Variants in MEIS3 observed in about 807,000 individuals in gnomAD.
The protein encoded by MEIS3 is Meis homeobox 3.
Under a neutral mutation model 51.4 loss-of-function variants are expected in MEIS3, and 38 were observed. The ratio of observed to expected loss-of-function variants is 0.74; its 90% confidence interval spans 0.57 to 0.97. The LOEUF (loss-of-function observed/expected upper bound fraction) is 0.97. Among genes scored for constraint, MEIS3 ranks in the 50% least tolerant of loss-of-function variants. MEIS3 has a pLI of 0.00. For synonymous variants in MEIS3, 198 were observed against 201.8 expected, an observed-to-expected ratio of 0.98 and a Z score of 0.16; for missense variants, 456 against 502.6, an observed-to-expected ratio of 0.91 and a Z score of 0.89.
At chr19:47,412,733 TTG>T (rs907082553) in intron 6 of MEIS3, among the ~76,000 whole-genome samples, 33 of 152,106 alleles carry the variant, frequency 2.2e-4, no homozygotes, top group African/African-American at 7.7e-4. Flanking sequence ...GTCTAATTTT[TTG>T]TTTTTTTTAT....
At position 47,409,539 on chromosome 19, in the gene MEIS3, CAT is replaced by C. The variant is rs1568422683; in HGVS notation, c.604_605del (p.Met202ValfsTer6). ...SCPSLPDQNN[M>X]WIRDHEDSGS... Reference sequence around the variant, plus strand: ...CACTATCCTCATGGTCTCGAATCCACATATTATTCTAGAAAACAAGAGTTAGA... The same window carrying C: ...CACTATCCTCATGGTCTCGAATCCACATTATTCTAGAAAACAAGAGTTAGA... On this transcript the variant is annotated frameshift_variant, in exon 7 of 13. Transcript: ENST00000558555. LOFTEE classifies it high-confidence loss of function. The C allele has an allele frequency of 1.2e-6, 2 of 1,612,836 alleles. No homozygotes were observed. Among genetic ancestry groups the C allele is most frequent in the South Asian group, 2.2e-5 (2 of 91,060 alleles).
upstream of MEIS3, among the ~76,000 whole-genome samples, chr19:47,421,238 A>G (rs987614758): frequency 2.0e-5 from 3 of 152,046 alleles, no homozygotes; most frequent in African/African-American, 7.2e-5. Context: ...CCTGTCCTGC[A>G]CCTGTTTTAC....
upstream of MEIS3, among the ~76,000 whole-genome samples, chr19:47,420,284 G>A (rs1255045704): frequency 6.6e-6 from 1 of 152,196 alleles, no homozygotes; most frequent in African/African-American, 2.4e-5. Flanking sequence ...CCAAGACTTG[G>A]GGTGAGGGAT....
chr19:47,420,906 T>A (rs927605195), upstream of MEIS3, among the ~76,000 whole-genome samples: 5,082 of 91,220 alleles, frequency 0.056, 114 homozygotes, highest in Admixed American at 0.12. Context: ...TCTCTCTCTC[T>A]CTCTCACACA....
intron 3 of MEIS3, 22 bp downstream of exon 3, chr19:47,416,782 G>A (rs754554334): frequency 3.1e-6 from 5 of 1,613,220 alleles, no homozygotes; most frequent in Non-Finnish European, 3.4e-6. Context: ...GACTCGGTGT[G>A]TGGTGGGTGG....
At position 47,415,044 on chromosome 19, in the gene MEIS3, C is replaced by G. The variant is rs778488411; in HGVS notation, c.447+7G>C. The G allele has an allele frequency of 1.9e-6, 3 of 1,558,374 alleles. No individual in the cohort carries two copies. The highest frequency in any genetic ancestry group is 2.6e-6 in the Non-Finnish European group (3 of 1,152,548). On this transcript the variant is annotated splice_region_variant and intron_variant, in intron 5 of 12. Transcript: ENST00000558555. ...AGTGAGGGTGTGGGGAGGTGAGACG[C>G]GCTCACCTTCTCCAGCTCCAGCAGG... is the stretch of plus-strand genomic sequence containing the variant.
intron 1 of MEIS3, 34 bp downstream of exon 1, chr19:47,419,036 G>A: frequency 8.0e-7 from 1 of 1,243,376 alleles, no homozygotes; most frequent in Non-Finnish European, 1.0e-6. Flanking sequence ...GTGCGGAAGC[G>A]GCCGGGACGC....
chr19:47,408,324 G>A (rs527405773), intron 8 of MEIS3, among the ~76,000 whole-genome samples: 2 of 151,892 alleles, frequency 1.3e-5, no homozygotes, highest in South Asian at 4.2e-4. Context: ...GTCTTGCTAT[G>A]TTGCCCAGGC....
upstream of MEIS3, among the ~76,000 whole-genome samples, chr19:47,421,714 A>C (rs1437968164): frequency 7.0e-6 from 1 of 141,890 alleles, no homozygotes; most frequent in African/African-American, 2.8e-5. Flanking sequence ...TCTGTCTGTC[A>C]CCTGGGCTGT....
intron 3 of MEIS3, 33 bp from the exon 4 acceptor site, chr19:47,416,735 G>A (rs777628165): frequency 1.2e-6 from 2 of 1,609,942 alleles, no homozygotes; most frequent in South Asian, 2.2e-5. Context: ...GCAGGGGGAT[G>A]TCCCGCCTTC....
At chr19:47,403,846 G>A (rs1970698444) in intron 12 of MEIS3, among the ~76,000 whole-genome samples, 1 of 152,102 alleles carries the variant, frequency 6.6e-6, no homozygotes, top group Admixed American at 6.6e-5. Flanking sequence ...GGGAGTCAGA[G>A]AGAACGACAT....
At chr19:47,422,134 G>A (rs1971729142), upstream of MEIS3, among the ~76,000 whole-genome samples, 1 of 151,850 alleles carries the variant, frequency 6.6e-6, no homozygotes, top group South Asian at 2.1e-4. Flanking sequence ...TTCGTCACCG[G>A]CCCTGACAAA....
At chr19:47,405,263 G>C (rs186636590) in intron 12 of MEIS3, among the ~76,000 whole-genome samples, 77 of 152,280 alleles carry the variant, frequency 5.1e-4, no homozygotes, top group African/African-American at 1.6e-3. Flanking sequence ...CATCATACCA[G>C]GCCACAGAAG....
upstream of MEIS3, among the ~76,000 whole-genome samples, chr19:47,420,414 A>AGTG (rs1474103236): frequency 1.5e-5 from 2 of 129,958 alleles, no homozygotes; most frequent in East Asian, 5.2e-4. Flanking sequence ...TCTGACGGCC[A>AGTG]GTGGTGGGGG....
In MEIS3 at chr19:47,409,494, G is replaced by A; in HGVS notation, c.651C>T (p.Thr217=). ...HEDSGSVHLG[T]PGPSSGGLAS... is the part of the protein sequence containing the mutation. ...CCAGGCCCCCACTGGATGGACCTGG[G>A]GTCCCCAAATGTACAGACCCACTAT... The change falls in exon 7 of 13, where the codon ACC becomes ACT. Residue 217 remains threonine, a synonymous_variant. Coordinates refer to ENST00000558555, the MANE Select transcript of MEIS3 (RefSeq NM_001301059.2). 2 of 1,614,078 alleles carry A rather than the reference G, an allele frequency of 1.2e-6. No individual in the cohort carries two copies. The highest frequency in any genetic ancestry group is 1.7e-6 in the Non-Finnish European group (2 of 1,179,968).
chr19:47,420,941 C>CTCTCTT, upstream of MEIS3, among the ~76,000 whole-genome samples: 1 of 51,816 alleles, frequency 1.9e-5, no homozygotes, highest in South Asian at 6.5e-4. Context: ...CACACACACA[C>CTCTCTT]TCTCTCTCTC....
intron 4 of MEIS3, 59 bp downstream of exon 4, chr19:47,416,593 G>T: frequency 7.3e-7 from 1 of 1,365,816 alleles, no homozygotes; most frequent in Non-Finnish European, 9.9e-7. Flanking sequence ...CCCAGGGATG[G>T]GGCGTCAGGG....
chr19:47,403,548 C>G lies in MEIS3; in HGVS notation c.*23G>C, dbSNP rs1477384938. 2.2e-6 allele frequency: 1 copy of G among 447,782 alleles called. No homozygotes were observed. Among genetic ancestry groups the G allele is most frequent in the Non-Finnish European group, 4.5e-6 (1 of 222,856 alleles). The allele number at this position is 447,782 out of a possible 1,614,324, so 27.7% of individuals were successfully genotyped here. A position where few individuals can be genotyped will look rare whatever the true frequency, so the allele number is the denominator to read the frequency against. Reference sequence around the variant, plus strand: ...TGAGGCTGGGGGTCACAGCCGGAGGCTGGGTCTGTGGAGAGGGGAGGAGAG... The same window carrying G: ...TGAGGCTGGGGGTCACAGCCGGAGGGTGGGTCTGTGGAGAGGGGAGGAGAG... On this transcript the variant is annotated 3_prime_UTR_variant, in exon 13 of 13. Coordinates refer to ENST00000558555, the MANE Select transcript of MEIS3 (RefSeq NM_001301059.2).
chr19:47,417,391 G>A, intron 1 of MEIS3, 41 bp from the exon 2 acceptor site: 2 of 1,610,704 alleles, frequency 1.2e-6, no homozygotes, highest in East Asian at 2.2e-5. Flanking sequence ...CCCCAGGGAG[G>A]GGTCAGCACC....
Sources: gnomAD v4.1 joint callset for allele counts (sites outside exome capture counted in the v4.1 genomes callset) on GRCh38, gnomAD v4.1.1 for gene constraint, MANE v1.5 for transcripts, NCBI Gene and HGNC (gene_info 2026-07-23, HGNC 2026-07-21) for gene names.